The following ATP8A1 variants were observed in gnomAD, a reference collection of about 807,000 sequenced individuals.
ATP8A1 encodes the protein phospholipid-transporting ATPase IA.
In ATP8A1, 90 loss-of-function variants were observed where a neutral mutation model predicts 177.7. That is an observed-to-expected ratio of 0.51 (90% CI 0.43 to 0.60). ATP8A1 has a LOEUF of 0.60. ATP8A1 is among the 20% of genes least tolerant of loss of function. The pLI, the probability that ATP8A1 is intolerant of heterozygous loss-of-function variation, is 0.00. For synonymous variants in ATP8A1, 493 were observed against 485.9 expected (o/e 1.01, Z -0.19); for missense variants, 1,072 against 1,392.8 (o/e 0.77, Z 3.67).
At chr4:42,455,650 C>A in intron 27 of ATP8A1, 51 bp from the exon 28 acceptor site, 1 of 1,535,676 alleles carries the variant, frequency 6.5e-7, no homozygotes, top group Non-Finnish European at 8.9e-7. Flanking sequence ...AGCATAAATG[C>A]ATTGCTTAGA....
chr4:42,563,381 G>C (rs1731038079), intron 15 of ATP8A1, among the ~76,000 whole-genome samples: 1 of 152,200 alleles, frequency 6.6e-6, no homozygotes, highest in African/African-American at 2.4e-5. Context: ...TGACTTGGGT[G>C]CTGTTAAAGG....
At chr4:42,503,038 T>C (rs1724009082) in intron 24 of ATP8A1, among the ~76,000 whole-genome samples, 1 of 152,254 alleles carries the variant, frequency 6.6e-6, no homozygotes, top group Non-Finnish European at 1.5e-5. Flanking sequence ...CTACTAGGAA[T>C]GGTTGTTTTG....
intron 6 of ATP8A1, among the ~76,000 whole-genome samples, chr4:42,592,129 T>C (rs1166237000): frequency 1.3e-5 from 2 of 152,178 alleles, no homozygotes; most frequent in Non-Finnish European, 1.5e-5. Context: ...CTACTTGGAT[T>C]GAAATGTCTA....
chr4:42,535,768 T>TA (rs1178351872), intron 20 of ATP8A1, among the ~76,000 whole-genome samples: 9 of 152,180 alleles, frequency 5.9e-5, no homozygotes, highest in African/African-American at 2.2e-4. Flanking sequence ...AAGTACTATC[T>TA]TAGACCACAG....
chr4:42,586,812 G>C (rs756138059), intron 8 of ATP8A1, among the ~76,000 whole-genome samples: 8 of 152,242 alleles, frequency 5.3e-5, no homozygotes, highest in Non-Finnish European at 7.3e-5. Context: ...GTCTGAGTCT[G>C]TCTTCAGAAT....
At chr4:42,484,862 A>G (rs2153189045) in intron 25 of ATP8A1, among the ~76,000 whole-genome samples, 1 of 152,296 alleles carries the variant, frequency 6.6e-6, no homozygotes, top group African/African-American at 2.4e-5. Context: ...CATATTCATC[A>G]TATTCATGAA....
intron 35 of ATP8A1, among the ~76,000 whole-genome samples, chr4:42,421,921 C>T (rs1713985769): frequency 6.6e-6 from 1 of 151,680 alleles, no homozygotes; most frequent in Non-Finnish European, 1.5e-5. Flanking sequence ...ATTTGATTAG[C>T]TTTCTAACTT....
At chr4:42,593,877 C>T (rs755056952) in intron 6 of ATP8A1, among the ~76,000 whole-genome samples, 1 of 151,944 alleles carries the variant, frequency 6.6e-6, no homozygotes, top group African/African-American at 2.4e-5. Context: ...ATCATTCATC[C>T]ATTTTTTTAT....
At chr4:42,595,343 C>T (rs911558767) in intron 6 of ATP8A1, among the ~76,000 whole-genome samples, 5 of 152,072 alleles carry the variant, frequency 3.3e-5, no homozygotes, top group South Asian at 2.1e-4. Flanking sequence ...CAGCCCACTG[C>T]AGTCTATTAT....
chr4:42,532,394 G>A (rs931213972), intron 20 of ATP8A1, among the ~76,000 whole-genome samples: 2 of 151,972 alleles, frequency 1.3e-5, no homozygotes, highest in Admixed American at 6.6e-5. Context: ...GCTGAGGCAG[G>A]AGAATCGCTT....
intron 35 of ATP8A1, among the ~76,000 whole-genome samples, chr4:42,422,567 GTATTATTGCCCCCATTT>G (rs1247981769): frequency 8.5e-5 from 13 of 152,242 alleles, no homozygotes; most frequent in African/African-American, 3.1e-4. Flanking sequence ...CATGAGGTAG[GTATTATTGCCCCCATTT>G]TATTGATGAG....
At chr4:42,553,731 T>C (rs1005472978) in intron 16 of ATP8A1, among the ~76,000 whole-genome samples, 1 of 152,170 alleles carries the variant, frequency 6.6e-6, no homozygotes, top group Non-Finnish European at 1.5e-5. Flanking sequence ...CCCTGCCATG[T>C]GAAGCTTGGC....
chr4:42,652,548 A>G (rs1344807935), intron 1 of ATP8A1, among the ~76,000 whole-genome samples: 1 of 152,188 alleles, frequency 6.6e-6, no homozygotes, highest in Non-Finnish European at 1.5e-5. Flanking sequence ...TATTCACTAA[A>G]TAGCAAAGTC....
At chr4:42,475,273 C>T (rs915901648) in intron 25 of ATP8A1, among the ~76,000 whole-genome samples, 1 of 152,092 alleles carries the variant, frequency 6.6e-6, no homozygotes, top group Admixed American at 6.6e-5. Context: ...TCAAGTGATC[C>T]TCCTGTCTCA....
chr4:42,448,385 T>C (rs1577952722), intron 30 of ATP8A1, among the ~76,000 whole-genome samples: 1 of 117,892 alleles, frequency 8.5e-6, no homozygotes, highest in African/African-American at 3.0e-5. Flanking sequence ...CCTCCCTCCC[T>C]CCTTCTCTTT....
chr4:42,611,370 A>C (rs986148803), intron 5 of ATP8A1, among the ~76,000 whole-genome samples: 1 of 152,202 alleles, frequency 6.6e-6, no homozygotes, highest in Non-Finnish European at 1.5e-5. Context: ...TCTAATGCTT[A>C]GTATCATAAT....
At chr4:42,518,734 TA>T (rs1158862400) in intron 22 of ATP8A1, among the ~76,000 whole-genome samples, 1 of 152,096 alleles carries the variant, frequency 6.6e-6, no homozygotes, top group Non-Finnish European at 1.5e-5. Context: ...TCCAATCACA[TA>T]AAAAATAGAT....
intron 34 of ATP8A1, among the ~76,000 whole-genome samples, chr4:42,423,204 T>C (rs1714193209): frequency 6.6e-6 from 1 of 152,122 alleles, no homozygotes; most frequent in African/African-American, 2.4e-5. Context: ...TTTATAACCC[T>C]TGAAAAAAAT....
At chr4:42,594,113 T>C (rs888122948) in intron 6 of ATP8A1, among the ~76,000 whole-genome samples, 6 of 152,238 alleles carry the variant, frequency 3.9e-5, no homozygotes, top group East Asian at 1.9e-4. Context: ...TTATTCTATA[T>C]GGCAAACATG....
Sources: allele counts gnomAD v4.1 joint callset (sites outside exome capture counted in the v4.1 genomes callset), GRCh38; gene constraint gnomAD v4.1.1; transcripts MANE v1.5; gene names NCBI Gene and HGNC (gene_info 2026-07-23, HGNC 2026-07-21).